UNK: variants seen among roughly 807,000 people sequenced by gnomAD.
UNK encodes the protein RING finger protein unkempt homolog.
Under a neutral mutation model 97.6 loss-of-function variants are expected in UNK, and 32 were observed. That is an observed-to-expected ratio of 0.33 (90% CI 0.25 to 0.44). The LOEUF (loss-of-function observed/expected upper bound fraction) is 0.44, where lower values mean the gene tolerates loss of function less well. Among genes scored for constraint, UNK ranks in the 20% least tolerant of loss-of-function variants. The pLI is 1.00. For missense variants in UNK, 771 were observed against 1,098.4 expected (o/e 0.70, Z 4.21); for synonymous variants, 441 against 461.2 (o/e 0.96, Z 0.56).
intron 1 of UNK, chr17:75,785,757 T>G (rs1461794110): frequency 1.3e-5 from 2 of 152,248 alleles, no homozygotes; most frequent in Non-Finnish European, 2.9e-5. Context: ...TCAAGCCACG[T>G]TAAGCATTCC....
chr17:75,796,028 G>T (rs943162922), intron 1 of UNK, among the ~76,000 whole-genome samples: 1 of 152,164 alleles, frequency 6.6e-6, no homozygotes, highest in African/African-American at 2.4e-5. Context: ...GTGTGCACGG[G>T]CGTGTGTGCC....
chr17:75,821,414 C>G (rs560334568), intron 13 of UNK: 2 of 454,768 alleles, frequency 4.4e-6, no homozygotes, highest in African/African-American at 4.0e-5. Context: ...ACCTGGACAG[C>G]AGAGTCAGGA....
chr17:75,808,049 CT>C (rs1170066326), intron 1 of UNK, among the ~76,000 whole-genome samples: 2 of 152,200 alleles, frequency 1.3e-5, no homozygotes, highest in Admixed American at 6.5e-5. Context: ...GTGTTCCTGG[CT>C]CGGGGCCCAG....
At chr17:75,803,735 T>G (rs947251533) in intron 1 of UNK, among the ~76,000 whole-genome samples, 1 of 152,208 alleles carries the variant, frequency 6.6e-6, no homozygotes, top group African/African-American at 2.4e-5. Flanking sequence ...AGCTGAATAT[T>G]CTGATGTGCC....
chr17:75,819,364 G>A lies in UNK; in HGVS notation c.1547-320G>A. 1 of 387,266 alleles carries A rather than the reference G, an allele frequency of 2.6e-6. No individual in the cohort carries two copies. Among genetic ancestry groups the A allele is most frequent in the Non-Finnish European group, 4.8e-6 (1 of 210,368 alleles). 24.0% of individuals were successfully genotyped at this position (387,266 alleles called of 1,614,324 possible). A position where few individuals can be genotyped will look rare whatever the true frequency, so the allele number is the denominator to read the frequency against. On this transcript the variant is annotated intron_variant, in intron 11 of 15. Coordinates refer to ENST00000589666, the MANE Select transcript of UNK (RefSeq NM_001080419.3). This position sits in a 1 kb window ranked among gnomAD's most constrained non-coding sequence, Gnocchi z 5.4. ...ACCCGCCCACCCCCACTGATCCCGG[G>A]GCTGAGACCCTTGAGTTGTAACATC... is the stretch of plus-strand genomic sequence containing the variant.
At position 75,824,788 on chromosome 17, in the gene UNK, G is replaced by A. The variant is rs924866337; in HGVS notation, c.*371G>A. 6.6e-6 allele frequency: 1 copy of A among 152,668 alleles called. No homozygotes were observed. The highest frequency in any genetic ancestry group is 1.5e-5 in the Non-Finnish European group (1 of 68,280). 9.5% of individuals were successfully genotyped at this position (152,668 alleles called of 1,614,324 possible). On this transcript the variant is annotated 3_prime_UTR_variant, in exon 16 of 16. Transcript: ENST00000589666. This position sits in a 1 kb window ranked among gnomAD's most constrained non-coding sequence, Gnocchi z 4.9. The stretch of plus-strand genomic sequence containing the variant: ...GCCTTTTGGCAGAGAATCTGGTTCT[G>A]TCTCTTTTTTAATGTAGGAACTAAC...
chr17:75,813,929 G>T, intron 6 of UNK, 51 bp downstream of exon 6: 1 of 1,491,378 alleles, frequency 6.7e-7, no homozygotes, highest in Non-Finnish European at 9.0e-7. Flanking sequence ...AAGGAGAGAG[G>T]CAGGCAGGAT....
intron 1 of UNK, chr17:75,785,755 C>T (rs540387131): frequency 6.6e-6 from 1 of 151,966 alleles, no homozygotes; most frequent in African/African-American, 2.4e-5. Flanking sequence ...CTTCAAGCCA[C>T]GTTAAGCATT....
rs375851812 is a variant in UNK at position 75,824,321 on chromosome 17, G to C, written c.2337G>C (p.Val779=). 1.9e-6 allele frequency: 3 copies of C among 1,604,994 alleles called. No individual in the cohort carries two copies. The Admixed American group carries it at 5.0e-5, about 27-fold the overall frequency. Reference sequence around the variant, plus strand: ...AGTGTCAGGAACAGAAGCGGGCAGTGCTGCCGTGCCAACACGCTGCGCTGT... The same window carrying C: ...AGTGTCAGGAACAGAAGCGGGCAGTCCTGCCGTGCCAACACGCTGCGCTGT... The part of the protein sequence containing the change: ...CLKCQEQKRA[V]LPCQHAALCE... Residue 779 remains valine, a synonymous_variant, in exon 16 of 16, where the codon GTG becomes GTC. Coordinates refer to ENST00000589666, the MANE Select transcript of UNK (RefSeq NM_001080419.3). The surrounding 1 kb of genome is among the most constrained non-coding windows in gnomAD (Gnocchi z 4.9).
At chr17:75,810,043 C>T in intron 2 of UNK, 74 bp downstream of exon 2, 1 of 1,559,208 alleles carries the variant, frequency 6.4e-7, no homozygotes, top group East Asian at 2.3e-5. Flanking sequence ...GTAGGCTGGG[C>T]AGATTCTGGG....
In UNK at chr17:75,822,590, C is replaced by A; in HGVS notation, c.1951C>A (p.Arg651=). The A allele has an allele frequency of 6.2e-7, 1 of 1,613,504 alleles. No homozygotes were observed. Among genetic ancestry groups the A allele is most frequent in the African/African-American group, 1.3e-5 (1 of 75,070 alleles). The change falls in exon 14 of 16, where the codon CGG becomes AGG. Residue 651 remains arginine, a synonymous_variant. Transcript: ENST00000589666. ...GPGAAELARL[R]QELDEANSTI... The stretch of plus-strand genomic sequence containing the variant: ...AGGGGCTGCCGAGCTGGCCCGACTT[C>A]GGCAAGAGCTGGATGAAGCCAACAG...
In UNK at chr17:75,784,998, C is replaced by T. The variant is rs781673533; in HGVS notation, c.104+14C>T. The T allele has an allele frequency of 9.4e-5, 130 of 1,379,302 alleles. No individual in the cohort carries two copies. Among genetic ancestry groups the T allele is most frequent in the Middle Eastern group, 2.6e-4 (1 of 3,846 alleles). The allele number at this position is 1,379,302 out of a possible 1,614,324, so 85.4% of individuals were successfully genotyped here. On this transcript the variant is annotated intron_variant, in intron 1 of 15. Coordinates refer to ENST00000589666, the MANE Select transcript of UNK (RefSeq NM_001080419.3). ...GCAGCACTACACGTACGTAGAGCCC[C>T]CCCCCCCCCGCCGCGCGCGCACGCC...
At chr17:75,785,994 A>C (rs1157454429) in intron 1 of UNK, 1 of 152,228 alleles carries the variant, frequency 6.6e-6, no homozygotes, top group African/African-American at 2.4e-5. Flanking sequence ...CATCTGTTGG[A>C]GTAGAAAGAA....
At chr17:75,815,064 C>A in intron 6 of UNK, 105 bp from the exon 7 acceptor site, 1 of 1,001,386 alleles carries the variant, frequency 1.0e-6, no homozygotes, top group Non-Finnish European at 1.5e-6. Flanking sequence ...GCCGGGAACA[C>A]AGGGCAAGAG....
chr17:75,806,729 C>T (rs557704407), intron 1 of UNK, among the ~76,000 whole-genome samples: 7 of 152,182 alleles, frequency 4.6e-5, no homozygotes, highest in South Asian at 2.1e-4. Context: ...GCTGAGATTG[C>T]GCCACTGCAC....
chr17:75,823,078 G>C lies in UNK; in HGVS notation c.2020-187G>C, dbSNP rs146545692. On this transcript the variant is annotated intron_variant, in intron 14 of 15. Transcript: ENST00000589666. ...AGGTCCCTTTCCCTGGCCACAGAGG[G>C]GAGAGTCTCCTGCAGGTTCTGAAAC... Among the ~76,000 whole-genome samples, 5 of 152,296 alleles carry C rather than the reference G, an allele frequency of 3.3e-5. No homozygotes were observed. In the East Asian group the frequency reaches 9.7e-4, roughly 29 times the overall value.
chr17:75,813,920 A>G, intron 6 of UNK, 42 bp downstream of exon 6: 1 of 1,513,044 alleles, frequency 6.6e-7, no homozygotes, highest in Non-Finnish European at 8.9e-7. Context: ...TTGGGAAGTA[A>G]GGAGAGAGGC....
rs146400670 is a variant in UNK, at chr17:75,812,399, G to A, written c.492-56G>A. On this transcript the variant is annotated intron_variant, in intron 3 of 15. Transcript: ENST00000589666. ...ACTGCAGTGGAGGGCTGGCACTCTG[G>A]TTCTTGCCCCCTCATGCCCCCTCTC... 49 of 1,588,920 alleles carry A rather than the reference G, an allele frequency of 3.1e-5. No homozygotes were observed. The African/African-American group carries it at 5.6e-4, about 18-fold the overall frequency.
chr17:75,786,800 T>C (rs187365270), intron 1 of UNK, among the ~76,000 whole-genome samples: 1 of 152,132 alleles, frequency 6.6e-6, no homozygotes, highest in African/African-American at 2.4e-5. Flanking sequence ...GAGGTGGCAG[T>C]GAGCCGAGAT....
Sources: allele counts gnomAD v4.1 joint callset (sites outside exome capture counted in the v4.1 genomes callset), GRCh38; gene constraint gnomAD v4.1.1; non-coding constraint Gnocchi (gnomAD v3.1); transcripts MANE v1.5; gene names NCBI Gene and HGNC (gene_info 2026-07-23, HGNC 2026-07-21).